The following MACROD2 variants were observed in gnomAD, a reference collection of about 807,000 sequenced individuals.
MACROD2 encodes the protein ADP-ribose glycohydrolase MACROD2.
In MACROD2, 36 loss-of-function variants were observed where a neutral mutation model predicts 70.4. That is an observed-to-expected ratio of 0.51 (90% confidence interval 0.39 to 0.68). MACROD2 has a LOEUF of 0.68. MACROD2 is among the 30% of genes least tolerant of loss of function. The pLI is 0.00. For synonymous variants in MACROD2, 172 were observed against 178.8 expected (o/e 0.96, Z 0.30); for missense variants, 496 against 538.4 (o/e 0.92, Z 0.78).
At chr20:14,402,620 CT>C in intron 3 of MACROD2, among the ~76,000 whole-genome samples, 1 of 152,158 alleles carries the variant, frequency 6.6e-6, no homozygotes, top group South Asian at 2.1e-4. Flanking sequence ...GAAAATGTGT[CT>C]CAGTTACAGC....
chr20:15,659,414 C>T (rs1265143801), intron 8 of MACROD2, among the ~76,000 whole-genome samples: 3 of 139,006 alleles, frequency 2.2e-5, no homozygotes, highest in Non-Finnish European at 4.5e-5. Flanking sequence ...CCTATCTCAC[C>T]ATCTTTGTCT....
intron 3 of MACROD2, among the ~76,000 whole-genome samples, chr20:14,334,449 C>A (rs1258613793): frequency 6.6e-6 from 1 of 152,124 alleles, no homozygotes; most frequent in African/African-American, 2.4e-5. Context: ...TTTTTATGCT[C>A]TGAAGAGAAA....
intron 5 of MACROD2, among the ~76,000 whole-genome samples, chr20:15,175,476 C>A (rs910881002): frequency 6.6e-5 from 10 of 152,120 alleles, no homozygotes; most frequent in Non-Finnish European, 1.3e-4. Context: ...CAAACTTTTA[C>A]AATGAATATA....
At chr20:14,465,743 T>C (rs1308663376) in intron 3 of MACROD2, among the ~76,000 whole-genome samples, 1 of 152,150 alleles carries the variant, frequency 6.6e-6, no homozygotes, top group African/African-American at 2.4e-5. Context: ...TGACAAAATC[T>C]CTCAGCATTT....
At chr20:14,367,885 G>A (rs1383900188) in intron 3 of MACROD2, among the ~76,000 whole-genome samples, 1 of 151,914 alleles carries the variant, frequency 6.6e-6, no homozygotes, top group Non-Finnish European at 1.5e-5. Context: ...CTCCATCTGG[G>A]GTTCTTATGA....
At chr20:14,755,175 T>TC (rs1388979428) in intron 5 of MACROD2, among the ~76,000 whole-genome samples, 1 of 151,956 alleles carries the variant, frequency 6.6e-6, no homozygotes, top group Non-Finnish European at 1.5e-5. Context: ...GAGCCAATAC[T>TC]CCATCAGAGT....
At chr20:15,485,758 T>C (rs2047155697) in intron 7 of MACROD2, among the ~76,000 whole-genome samples, 1 of 152,248 alleles carries the variant, frequency 6.6e-6, no homozygotes, top group Middle Eastern at 3.4e-3. Flanking sequence ...CCAGGTTCTG[T>C]CTGTTTGAGG....
chr20:14,862,215 A>C (rs866016421), intron 5 of MACROD2, among the ~76,000 whole-genome samples: 773 of 42,412 alleles, frequency 0.018, 69 homozygotes, highest in South Asian at 0.034. Flanking sequence ...AAATATATAT[A>C]TATATAAATA....
At chr20:14,397,553 C>T (rs926617185) in intron 3 of MACROD2, among the ~76,000 whole-genome samples, 1 of 151,840 alleles carries the variant, frequency 6.6e-6, no homozygotes, top group African/African-American at 2.4e-5. Flanking sequence ...AATTGTAGAC[C>T]CTACAATACA....
At chr20:15,368,996 C>A (rs1044847349) in intron 6 of MACROD2, among the ~76,000 whole-genome samples, 4 of 152,240 alleles carry the variant, frequency 2.6e-5, no homozygotes, top group South Asian at 2.1e-4. Flanking sequence ...TCATGCATAT[C>A]TTAGTATATG....
At chr20:14,658,140 A>G (rs1468147192) in intron 4 of MACROD2, among the ~76,000 whole-genome samples, 1 of 152,194 alleles carries the variant, frequency 6.6e-6, no homozygotes, top group Non-Finnish European at 1.5e-5. Flanking sequence ...AAAAAAGATG[A>G]TTAAGGTTTA....
Position 15,862,762 on chromosome 20 carries a change from C to T in MACROD2, c.663C>T (p.Phe221=), listed in dbSNP as rs747679634. 6.2e-7 allele frequency: 1 copy of T among 1,611,914 alleles called. No individual in the cohort carries two copies. The highest frequency in any genetic ancestry group is 8.5e-7 in the Non-Finnish European group (1 of 1,179,158). Residue 221 remains phenylalanine (F), a synonymous_variant, in exon 9 of 18, where the codon TTC becomes TTT. Transcript: ENST00000684519. Reference sequence around the variant, plus strand: ...GCCTCTAGGTGGATCGGATCATTTTCTGTGTCTTCTTAGAAGTTGACTTCA... The same window carrying T: ...GCCTCTAGGTGGATCGGATCATTTTTTGTGTCTTCTTAGAAGTTGACTTCA... ...KNHHEVDRII[F]CVFLEVDFKI... is the part of the protein sequence containing the mutation.
intron 8 of MACROD2, among the ~76,000 whole-genome samples, chr20:15,818,657 G>A (rs2063902665): frequency 1.3e-5 from 2 of 152,012 alleles, no homozygotes; most frequent in South Asian, 2.1e-4. Flanking sequence ...ACCTCCTGGG[G>A]ATGCAGCCCA....
chr20:15,225,774 A>G (rs960330738), intron 5 of MACROD2, among the ~76,000 whole-genome samples: 2 of 152,154 alleles, frequency 1.3e-5, no homozygotes, highest in Non-Finnish European at 2.9e-5. Context: ...TCTGTCCCCT[A>G]TGGTTGGACA....
At chr20:14,631,535 C>A (rs182300407) in intron 4 of MACROD2, among the ~76,000 whole-genome samples, 102 of 152,236 alleles carry the variant, frequency 6.7e-4, no homozygotes, top group African/African-American at 2.3e-3. Context: ...CTTTGGGAGG[C>A]CGAGGTGGGC....
chr20:15,441,917 ACT>A (rs1402988604), intron 7 of MACROD2, among the ~76,000 whole-genome samples: 2 of 152,186 alleles, frequency 1.3e-5, no homozygotes, highest in Non-Finnish European at 2.9e-5. Context: ...TTGAGCAGTA[ACT>A]CTGGGAATAT....
chr20:15,683,643 A>G (rs1329959176), intron 8 of MACROD2, among the ~76,000 whole-genome samples: 1 of 152,054 alleles, frequency 6.6e-6, no homozygotes, highest in Non-Finnish European at 1.5e-5. Context: ...TAGTGGCACA[A>G]TCTCTGCTCA....
At chr20:15,997,050 C>T (rs1020973922) in intron 15 of MACROD2, among the ~76,000 whole-genome samples, 3 of 152,060 alleles carry the variant, frequency 2.0e-5, no homozygotes, top group African/African-American at 7.2e-5. Flanking sequence ...CAATTCTGTT[C>T]TATTGGTCTG....
At chr20:15,524,531 G>A (rs1385180109) in intron 8 of MACROD2, among the ~76,000 whole-genome samples, 1 of 152,094 alleles carries the variant, frequency 6.6e-6, no homozygotes, top group Non-Finnish European at 1.5e-5. Context: ...GCCAGATATA[G>A]CTAATGGGCT....
Sources: allele counts gnomAD v4.1 joint callset (sites outside exome capture counted in the v4.1 genomes callset), GRCh38; gene constraint gnomAD v4.1.1; transcripts MANE v1.5; gene names NCBI Gene and HGNC (gene_info 2026-07-23, HGNC 2026-07-21).